The following RAPGEF2 variants were observed in gnomAD, a reference collection of about 807,000 sequenced individuals.
RAPGEF2 encodes Rap guanine nucleotide exchange factor 2.
Under a neutral mutation model 186.7 loss-of-function variants are expected in RAPGEF2, and 54 were observed. The observed-to-expected ratio is 0.29, with a 90% confidence interval of 0.23 to 0.36. The LOEUF (loss-of-function observed/expected upper bound fraction) is 0.36. RAPGEF2 is among the 10% of genes least tolerant of loss of function. The probability of loss-of-function intolerance (pLI) is 1.00; values close to 1 mark genes in which losing one functional copy is unlikely to be tolerated. For missense variants in RAPGEF2, 1,532 were observed against 2,045.0 expected (o/e 0.75, Z 4.84); for synonymous variants, 712 against 705.9 (o/e 1.01, Z -0.14).
At chr4:159,231,754 G>A (rs1752669574) in intron 4 of RAPGEF2, among the ~76,000 whole-genome samples, 2 of 152,132 alleles carry the variant, frequency 1.3e-5, no homozygotes, top group South Asian at 4.1e-4. Flanking sequence ...CCAGAGTAGG[G>A]ATGCTCCACA....
At chr4:159,187,863 A>G (rs1357164729) in intron 2 of RAPGEF2, among the ~76,000 whole-genome samples, 2 of 152,116 alleles carry the variant, frequency 1.3e-5, no homozygotes, top group Non-Finnish European at 2.9e-5. Context: ...TTTTCCATAT[A>G]TTTCCCCTTT....
intron 7 of RAPGEF2, among the ~76,000 whole-genome samples, chr4:159,292,928 G>T (rs1474660032): frequency 1.3e-5 from 2 of 152,046 alleles, no homozygotes; most frequent in Non-Finnish European, 2.9e-5. Context: ...ATACTTTGTT[G>T]ATTTTGTTCT....
intron 1 of RAPGEF2, among the ~76,000 whole-genome samples, chr4:159,112,166 A>G (rs1336259945): frequency 6.6e-6 from 1 of 152,200 alleles, no homozygotes; most frequent in East Asian, 1.9e-4. Context: ...GTTGTTAGTG[A>G]ATAGTTTGGC....
At chr4:159,282,142 T>C (rs1759801805) in intron 7 of RAPGEF2, among the ~76,000 whole-genome samples, 1 of 152,234 alleles carries the variant, frequency 6.6e-6, no homozygotes, top group Non-Finnish European at 1.5e-5. Context: ...GACTCCTGCT[T>C]TTTCAGCTAG....
Position 159,260,123 on chromosome 4 carries a change from T to TA in RAPGEF2, c.543+16333dup, listed in dbSNP as rs1340525359. On this transcript the variant is annotated intron_variant, in intron 7 of 29. Transcript: ENST00000691494. ...AGTGATTCACCTCACAAGTAGCTGG[T>TA]ATTACAGGTGTGCACCACAACGACT... 2.6e-5 allele frequency among the ~76,000 whole-genome samples: 4 copies of TA among 152,084 alleles called. No individual in the cohort carries two copies. In the East Asian group the frequency reaches 7.7e-4, roughly 29 times the overall value.
chr4:159,337,906 A>AG, intron 17 of RAPGEF2, among the ~76,000 whole-genome samples: 1 of 148,520 alleles, frequency 6.7e-6, no homozygotes, highest in East Asian at 1.9e-4. Context: ...AAAAAAAAAA[A>AG]AAAAAAAGAA....
chr4:159,209,984 A>C (rs905949311), intron 3 of RAPGEF2, among the ~76,000 whole-genome samples: 40 of 152,260 alleles, frequency 2.6e-4, no homozygotes, highest in Non-Finnish European at 7.3e-5. Flanking sequence ...GCAAAAGAAA[A>C]GAACTGTGTA....
chr4:159,165,052 C>G (rs537040926), intron 1 of RAPGEF2, among the ~76,000 whole-genome samples: 4 of 151,904 alleles, frequency 2.6e-5, no homozygotes, highest in South Asian at 2.1e-4. Context: ...TTCTATGTTT[C>G]TTAAAGAATT....
Position 159,331,721 on chromosome 4 carries a change from C to T in RAPGEF2, c.1667C>T (p.Ala556Val). The T allele has an allele frequency of 6.2e-7, 1 of 1,614,110 alleles. No homozygotes were observed. Among genetic ancestry groups the T allele is most frequent in the Non-Finnish European group, 8.5e-7 (1 of 1,180,006 alleles). ...LMTLTKPSREAPLPFILLGGS... is the reference protein window; with the variant it reads ...LMTLTKPSREVPLPFILLGGS... ...ACGTTAACAAAACCATCCCGAGAAG[C>T]TCCTTTGCCTTTTATCTTACTTGGA... The change falls in exon 15 of 30, where the codon GCT becomes GTT. Residue 556 changes from alanine (A) to valine (V), a missense_variant. This residue lies in a region of RAPGEF2 where 810 missense variants were observed against 1,210.5 expected (regional missense o/e 0.67). Coordinates refer to ENST00000691494, the MANE Select transcript of RAPGEF2 (RefSeq NM_001394067.2).
chr4:159,108,652 T>G (rs1361598448), intron 1 of RAPGEF2, among the ~76,000 whole-genome samples: 3 of 152,150 alleles, frequency 2.0e-5, no homozygotes, highest in African/African-American at 4.8e-5. Context: ...TTTGGATGAT[T>G]TAAAGAATCA....
At chr4:159,313,614 A>G (rs1764210074) in intron 8 of RAPGEF2, among the ~76,000 whole-genome samples, 2 of 152,138 alleles carry the variant, frequency 1.3e-5, no homozygotes, top group Admixed American at 6.5e-5. Context: ...ATGGGCTATG[A>G]TTTGAAGTTG....
intron 8 of RAPGEF2, among the ~76,000 whole-genome samples, chr4:159,307,881 G>C (rs1454294567): frequency 2.6e-5 from 4 of 152,192 alleles, no homozygotes; most frequent in African/African-American, 9.6e-5. Context: ...TGAGGCACGA[G>C]AATCTCTTGA....
At chr4:159,110,610 G>T (rs1738393798) in intron 1 of RAPGEF2, among the ~76,000 whole-genome samples, 1 of 152,236 alleles carries the variant, frequency 6.6e-6, no homozygotes, top group African/African-American at 2.4e-5. Flanking sequence ...CCATCATGTA[G>T]TTGTACTAAA....
intron 2 of RAPGEF2, among the ~76,000 whole-genome samples, chr4:159,189,727 A>G (rs1318536052): frequency 6.6e-6 from 1 of 152,246 alleles, no homozygotes; most frequent in African/African-American, 2.4e-5. Flanking sequence ...CAATGTTTAA[A>G]GACAAAAAGC....
chr4:159,170,965 C>T (rs1745853771), intron 1 of RAPGEF2, among the ~76,000 whole-genome samples: 1 of 152,026 alleles, frequency 6.6e-6, no homozygotes, highest in Non-Finnish European at 1.5e-5. Context: ...TCTTCTTTCC[C>T]CCATTGTGTG....
At chr4:159,132,516 A>G (rs1741220494) in intron 1 of RAPGEF2, among the ~76,000 whole-genome samples, 1 of 152,236 alleles carries the variant, frequency 6.6e-6, no homozygotes, top group Non-Finnish European at 1.5e-5. Flanking sequence ...CTTTAGGGAT[A>G]GATGAGCACC....
At chr4:159,347,992 G>A (rs6536412) in intron 25 of RAPGEF2, among the ~76,000 whole-genome samples, 59,888 of 152,082 alleles carry the variant, frequency 0.39, 12,457 homozygotes, top group Non-Finnish European at 0.47. Context: ...AGGCTGAGAC[G>A]GGTGAATCAC....
At chr4:159,246,407 T>G (rs1313701182) in intron 7 of RAPGEF2, among the ~76,000 whole-genome samples, 1 of 152,196 alleles carries the variant, frequency 6.6e-6, no homozygotes, top group Non-Finnish European at 1.5e-5. Context: ...ATGAGGCTTA[T>G]GAAAATCAGT....
At chr4:159,290,287 G>A (rs756052258) in intron 7 of RAPGEF2, among the ~76,000 whole-genome samples, 2 of 152,172 alleles carry the variant, frequency 1.3e-5, no homozygotes, top group Non-Finnish European at 2.9e-5. Context: ...GGTTATGGAA[G>A]TTAAACTTTT....
Sources: gnomAD v4.1 joint callset for allele counts (sites outside exome capture counted in the v4.1 genomes callset) on GRCh38, gnomAD v4.1.1 for gene constraint, gnomAD v4.1.1 regional missense constraint, MANE v1.5 for transcripts, NCBI Gene and HGNC (gene_info 2026-07-23, HGNC 2026-07-21) for gene names.